Variants in PTPRN2 observed in about 807,000 individuals in gnomAD.
The protein encoded by PTPRN2 is protein tyrosine phosphatase receptor type N2.
PTPRN2 carries 74 observed loss-of-function variants against 118.8 expected under a neutral mutation model. That is an observed-to-expected ratio of 0.62 (90% CI 0.52 to 0.76). PTPRN2 has a LOEUF of 0.76. Among genes scored for constraint, PTPRN2 ranks in the 30% least tolerant of loss-of-function variants. The pLI, the probability that PTPRN2 is intolerant of heterozygous loss-of-function variation, is 0.00. For missense variants in PTPRN2, 1,481 were observed against 1,394.4 expected, an observed-to-expected ratio of 1.06 and a Z score of -0.99; for synonymous variants, 641 against 608.0, an observed-to-expected ratio of 1.05 and a Z score of -0.80.
At chr7:157,660,760 T>C (rs889654297) in intron 13 of PTPRN2, among the ~76,000 whole-genome samples, 1 of 152,212 alleles carries the variant, frequency 6.6e-6, no homozygotes, top group Middle Eastern at 3.2e-3. Context: ...GAATTTATTA[T>C]TACTATTATT....
At chr7:157,904,091 G>A (rs757348828) in intron 11 of PTPRN2, among the ~76,000 whole-genome samples, 3 of 152,184 alleles carry the variant, frequency 2.0e-5, no homozygotes, top group Non-Finnish European at 2.9e-5. Flanking sequence ...TTAACTCGCC[G>A]ATCAGTGCTT....
chr7:158,311,110 T>C (rs1428647362), intron 3 of PTPRN2, among the ~76,000 whole-genome samples: 3 of 151,506 alleles, frequency 2.0e-5, no homozygotes, highest in Admixed American at 6.6e-5. Flanking sequence ...GCAAATAGAG[T>C]GGGCAAGGAG....
At chr7:158,211,895 C>T (rs376494854) in intron 3 of PTPRN2, among the ~76,000 whole-genome samples, 2 of 152,092 alleles carry the variant, frequency 1.3e-5, no homozygotes, top group Non-Finnish European at 2.9e-5. Flanking sequence ...ATCAGTGTAT[C>T]AAATTGATAT....
rs1199580045 is a variant in PTPRN2 at position 158,068,534 on chromosome 7, CTT to C, written c.1723+12762_1723+12763del. On this transcript the variant is annotated intron_variant, in intron 11 of 22. Coordinates refer to ENST00000389418, the MANE Select transcript of PTPRN2 (RefSeq NM_002847.5). Reference sequence around the variant, plus strand: ...ATGGGCCTGCATTGGTACGGCTTCACTTTAAAAATGCATCATCAAACCCCGCA... The same window carrying C: ...ATGGGCCTGCATTGGTACGGCTTCACTAAAAATGCATCATCAAACCCCGCA... Among the ~76,000 whole-genome samples, 11 of 152,382 alleles carry C rather than the reference CTT, an allele frequency of 7.2e-5. No individual in the cohort carries two copies. The East Asian group carries it at 2.1e-3, about 29-fold the overall frequency.
chr7:158,137,433 TAATA>T (rs1159307521), intron 7 of PTPRN2, among the ~76,000 whole-genome samples: 1 of 151,518 alleles, frequency 6.6e-6, no homozygotes, highest in African/African-American at 2.4e-5. Context: ...TAAAATAAAA[TAATA>T]AATAAATTAA....
chr7:157,671,675 G>A lies in PTPRN2; in HGVS notation c.2001+11050C>T, dbSNP rs1454037636. Among the ~76,000 whole-genome samples, 1 of 152,166 alleles carries A rather than the reference G, an allele frequency of 6.6e-6. No homozygotes were observed. The highest frequency in any genetic ancestry group is 1.5e-5 in the Non-Finnish European group (1 of 68,040). On this transcript the variant is annotated intron_variant, in intron 13 of 22. Transcript: ENST00000389418. This position sits in a 1 kb window ranked among gnomAD's most constrained non-coding sequence, Gnocchi z 4.1. Reference sequence around the variant, plus strand: ...AAGGGCAGGGGCATGCGGGCTGGGGGCGGAGCGGCTACTGGAGCAGCTGCT... The same window carrying A: ...AAGGGCAGGGGCATGCGGGCTGGGGACGGAGCGGCTACTGGAGCAGCTGCT...
At chr7:157,972,224 C>T (rs984592720) in intron 11 of PTPRN2, among the ~76,000 whole-genome samples, 8 of 152,198 alleles carry the variant, frequency 5.3e-5, no homozygotes, top group African/African-American at 1.7e-4. Context: ...AAGGTCCTAA[C>T]GAAAATCGTG....
Position 157,850,695 on chromosome 7 carries a change from T to G in PTPRN2, c.1788+47978A>C, listed in dbSNP as rs1199617195. ...TCCTTGACAGACAAAAGGTGTAGAA[T>G]AGCCTGGGATTCCAGGTTCCTGGGA... On this transcript the variant is annotated intron_variant, in intron 12 of 22. Coordinates refer to ENST00000389418, the MANE Select transcript of PTPRN2 (RefSeq NM_002847.5). Among the ~76,000 whole-genome samples, 16 of 152,314 alleles carry G rather than the reference T, an allele frequency of 1.1e-4. 1 individual carries two copies. The East Asian group carries it at 1.2e-3, about 11-fold the overall frequency.
intron 3 of PTPRN2, among the ~76,000 whole-genome samples, chr7:158,220,390 A>G (rs919985314): frequency 1.3e-5 from 2 of 152,130 alleles, no homozygotes; most frequent in South Asian, 2.1e-4. Flanking sequence ...ATCTCTCTTC[A>G]TAGATGATAT....
rs1222347365 is a variant in PTPRN2 at position 158,557,162 on chromosome 7, A to ACGCAGGTCAGGCGGCTCCCG, written c.112+30376_112+30395dup. Among the ~76,000 whole-genome samples the ACGCAGGTCAGGCGGCTCCCG allele has an allele frequency of 8.6e-4, 97 of 112,708 alleles. 2 individuals carry two copies. The highest frequency in any genetic ancestry group is 3.1e-3 in the African/African-American group (89 of 28,314). 73.9% of individuals were successfully genotyped at this position (112,708 alleles called of 152,430 possible). ...CTCCCGGGCAGGGCAGGCGGCTCCC[A>ACGCAGGTCAGGCGGCTCCCG]CGCAGGTCAGGCGGCTCCCGCGCAG... On this transcript the variant is annotated intron_variant, in intron 1 of 22. Transcript: ENST00000389418.
chr7:158,470,438 C>G (rs1015059216), intron 2 of PTPRN2, among the ~76,000 whole-genome samples: 24 of 152,208 alleles, frequency 1.6e-4, no homozygotes, highest in Non-Finnish European at 1.5e-5. Context: ...AAGAGCTCAG[C>G]TCCTGAAAAG....
At chr7:158,580,199 A>G (rs1828550156) in intron 1 of PTPRN2, among the ~76,000 whole-genome samples, 1 of 152,234 alleles carries the variant, frequency 6.6e-6, no homozygotes, top group Non-Finnish European at 1.5e-5. Flanking sequence ...CAGAGAATGT[A>G]CACATTGTGG....
chr7:157,850,244 C>T (rs1188574820), intron 12 of PTPRN2, among the ~76,000 whole-genome samples: 1 of 152,062 alleles, frequency 6.6e-6, no homozygotes, highest in Non-Finnish European at 1.5e-5. Flanking sequence ...CTCAGGCTCA[C>T]ATAAGGGATC....
At chr7:158,018,065 GGGT>G (rs1271585262) in intron 11 of PTPRN2, among the ~76,000 whole-genome samples, 1 of 152,180 alleles carries the variant, frequency 6.6e-6, no homozygotes, top group Non-Finnish European at 1.5e-5. Context: ...AGCGAGTAGT[GGGT>G]TTGAAAGTTC....
At chr7:158,334,311 G>T (rs1223642995) in intron 2 of PTPRN2, among the ~76,000 whole-genome samples, 1 of 11,602 alleles carries the variant, frequency 8.6e-5, no homozygotes, top group Non-Finnish European at 1.5e-4. Flanking sequence ...GACACCTGCA[G>T]ACGTCACTCA....
chr7:158,182,944 A>G (rs924675003), intron 5 of PTPRN2, among the ~76,000 whole-genome samples: 33 of 152,216 alleles, frequency 2.2e-4, no homozygotes, highest in African/African-American at 8.0e-4. Context: ...CACATCTAGC[A>G]GTAATTATTT....
intron 21 of PTPRN2, among the ~76,000 whole-genome samples, chr7:157,558,515 A>G (rs780317786): frequency 2.0e-5 from 3 of 152,190 alleles, no homozygotes; most frequent in Non-Finnish European, 4.4e-5. Flanking sequence ...AATCACACCA[A>G]ATTGTGAATA....
At chr7:157,541,621 C>A (rs1339400403) in intron 22 of PTPRN2, among the ~76,000 whole-genome samples, 2 of 152,222 alleles carry the variant, frequency 1.3e-5, no homozygotes, top group Non-Finnish European at 2.9e-5. Context: ...CCAAAGCAGG[C>A]CAGCAGCACT....
chr7:158,067,370 G>A (rs1023432923), intron 11 of PTPRN2, among the ~76,000 whole-genome samples: 1 of 152,190 alleles, frequency 6.6e-6, no homozygotes. Context: ...AGGGGGCAGG[G>A]GTTTGTCTTC....
Sources: gnomAD v4.1 joint callset for allele counts (sites outside exome capture counted in the v4.1 genomes callset) on GRCh38, gnomAD v4.1.1 for gene constraint, Gnocchi (gnomAD v3.1) non-coding constraint, MANE v1.5 for transcripts, NCBI Gene and HGNC (gene_info 2026-07-23, HGNC 2026-07-21) for gene names.